Variants in IL1RAPL2 observed in about 807,000 individuals in gnomAD.
IL1RAPL2 encodes interleukin 1 receptor accessory protein like 2.
IL1RAPL2 carries 3 observed loss-of-function variants against 44.1 expected under a neutral mutation model. That is an observed-to-expected ratio of 0.07 (90% CI 0.03 to 0.18). The LOEUF (loss-of-function observed/expected upper bound fraction) is 0.18, where lower values mean the gene tolerates loss of function less well. Among genes scored for constraint, IL1RAPL2 ranks in the 10% least tolerant of loss-of-function variants. IL1RAPL2 has a pLI of 1.00. For missense variants in IL1RAPL2, 391 were observed against 496.4 expected, an observed-to-expected ratio of 0.79 and a Z score of 2.02; for synonymous variants, 181 against 178.8, an observed-to-expected ratio of 1.01 and a Z score of -0.10.
Position 104,910,013 on chromosome X carries a change from G to A in IL1RAPL2, c.82+251018G>A, listed in dbSNP as rs1418866009. ...TGCTAGCAATCAGCGAGACTCCGTG[G>A]TTGTAGGACCCTCCGAGCCAGGTGG... On this transcript the variant is annotated intron_variant, in intron 2 of 10. Transcript: ENST00000372582. Among the ~76,000 whole-genome samples, 6 of 112,643 alleles carry A rather than the reference G, an allele frequency of 5.3e-5. No homozygotes were observed. In the Admixed American group the frequency reaches 5.6e-4, roughly 11 times the overall value.
At chrX:104,995,117 C>G (rs1393522519) in intron 2 of IL1RAPL2, among the ~76,000 whole-genome samples, 2 of 111,658 alleles carry the variant, frequency 1.8e-5, no homozygotes, top group Non-Finnish European at 3.8e-5. Context: ...ACTCTGTCCT[C>G]TTACCATGCT....
intron 2 of IL1RAPL2, among the ~76,000 whole-genome samples, chrX:105,187,628 G>C (rs1466207574): frequency 2.7e-5 from 3 of 111,754 alleles, no homozygotes; most frequent in Non-Finnish European, 3.8e-5. Flanking sequence ...AATAAGCCAA[G>C]AACAGAAAGA....
At chrX:105,573,310 C>T (rs748376873) in intron 6 of IL1RAPL2, among the ~76,000 whole-genome samples, 3 of 111,535 alleles carry the variant, frequency 2.7e-5, no homozygotes, top group South Asian at 3.8e-4. Context: ...TCACCTGCTT[C>T]AGCCTCCCAA....
intron 5 of IL1RAPL2, among the ~76,000 whole-genome samples, chrX:105,430,605 T>A (rs1209780791): frequency 9.0e-6 from 1 of 111,550 alleles, no homozygotes; most frequent in African/African-American, 3.2e-5. Flanking sequence ...GACTAGTTTA[T>A]CATGTTATAC....
chrX:105,283,090 C>T (rs1041070686), intron 5 of IL1RAPL2, among the ~76,000 whole-genome samples: 1 of 110,927 alleles, frequency 9.0e-6, no homozygotes, highest in Non-Finnish European at 1.9e-5. Flanking sequence ...AAGTGGAAAC[C>T]GTTATTCACC....
At chrX:105,155,226 T>TA (rs1362664359) in intron 2 of IL1RAPL2, among the ~76,000 whole-genome samples, 2 of 111,486 alleles carry the variant, frequency 1.8e-5, no homozygotes, top group African/African-American at 6.5e-5. Context: ...AGAAGGAATA[T>TA]AACTATAATA....
intron 6 of IL1RAPL2, among the ~76,000 whole-genome samples, chrX:105,590,032 T>G (rs2037157024): frequency 8.9e-6 from 1 of 112,050 alleles, no homozygotes; most frequent in Non-Finnish European, 1.9e-5. Context: ...TCCATTTGTC[T>G]GTGTCATGTA....
intron 6 of IL1RAPL2, among the ~76,000 whole-genome samples, chrX:105,666,083 T>A (rs1185145634): frequency 2.9e-5 from 1 of 34,584 alleles, no homozygotes; most frequent in African/African-American, 4.4e-4. Context: ...TAAAAATGGG[T>A]TTTTTTTTTT....
intron 2 of IL1RAPL2, among the ~76,000 whole-genome samples, chrX:105,111,334 A>G (rs1175283289): frequency 8.9e-6 from 1 of 111,862 alleles, no homozygotes. Context: ...GTAAAATTGT[A>G]TTGGAGAAGT....
At chrX:105,481,543 C>A (rs1374293165) in intron 5 of IL1RAPL2, among the ~76,000 whole-genome samples, 1 of 112,347 alleles carries the variant, frequency 8.9e-6, no homozygotes, top group Non-Finnish European at 1.9e-5. Context: ...CAAACTCATC[C>A]TGCTGAAAGC....
At chrX:105,459,894 GA>G (rs773217907) in intron 5 of IL1RAPL2, among the ~76,000 whole-genome samples, 8 of 111,222 alleles carry the variant, frequency 7.2e-5, no homozygotes, top group African/African-American at 2.6e-4. Flanking sequence ...TTTCCACGGG[GA>G]AAAAATTAGT....
At chrX:105,114,164 T>G (rs769161588) in intron 2 of IL1RAPL2, among the ~76,000 whole-genome samples, 105 of 111,670 alleles carry the variant, frequency 9.4e-4, no homozygotes, top group Non-Finnish European at 1.2e-3. Flanking sequence ...GGATTGGTAC[T>G]CTGAAAACAG....
chrX:104,657,131 A>G (rs1367404103), intron 1 of IL1RAPL2, among the ~76,000 whole-genome samples: 1 of 111,051 alleles, frequency 9.0e-6, no homozygotes, highest in African/African-American at 3.3e-5. Context: ...TCTTTATCCA[A>G]TTTGCCAGTT....
intron 1 of IL1RAPL2, among the ~76,000 whole-genome samples, chrX:104,655,929 A>G (rs1478080294): frequency 9.0e-6 from 1 of 111,363 alleles, no homozygotes; most frequent in Non-Finnish European, 1.9e-5. Flanking sequence ...GAATTTATCC[A>G]TTTCTTCTAG....
At chrX:105,049,938 C>T (rs2031896457) in intron 2 of IL1RAPL2, among the ~76,000 whole-genome samples, 1 of 111,638 alleles carries the variant, frequency 9.0e-6, no homozygotes, top group Admixed American at 9.6e-5. Flanking sequence ...AACTAAATAT[C>T]TGTTAAATTC....
At chrX:105,655,622 C>T (rs2037672296) in intron 6 of IL1RAPL2, among the ~76,000 whole-genome samples, 1 of 112,034 alleles carries the variant, frequency 8.9e-6, no homozygotes, top group Admixed American at 9.5e-5. Flanking sequence ...TAGCCATAAA[C>T]CTGGATCTTT....
At chrX:104,609,538 T>A (rs1441961755) in intron 1 of IL1RAPL2, among the ~76,000 whole-genome samples, 2 of 112,481 alleles carry the variant, frequency 1.8e-5, no homozygotes, top group Non-Finnish European at 3.7e-5. Flanking sequence ...TTTGGATGCT[T>A]TGCTCATTGC....
chrX:105,437,025 G>GTATATATA lies in IL1RAPL2; in HGVS notation c.698-47271_698-47264dup, dbSNP rs71694806. ...CTAAACTCATTGTAAAAATATAAACGTATATATATATATATATATATATAC... is the reference window on the plus strand; with the variant it reads ...CTAAACTCATTGTAAAAATATAAACGTATATATATATATATATATATATATATATATAC... On this transcript the variant is annotated intron_variant, in intron 5 of 10. Transcript: ENST00000372582. 1.4e-3 allele frequency among the ~76,000 whole-genome samples: 130 copies of GTATATATA among 91,083 alleles called. 1 individual carries two copies. The highest frequency in any genetic ancestry group is 6.0e-3 in the East Asian group (17 of 2,826). The allele number at this position is 91,083 out of a possible 115,157, so 79.1% of individuals were successfully genotyped here.
At chrX:104,729,904 C>T (rs1036699367) in intron 2 of IL1RAPL2, among the ~76,000 whole-genome samples, 2 of 110,883 alleles carry the variant, frequency 1.8e-5, no homozygotes, top group Non-Finnish European at 3.8e-5. Flanking sequence ...TAACTGTATG[C>T]TCTTGACCAG....
Sources: allele counts gnomAD v4.1 joint callset (sites outside exome capture counted in the v4.1 genomes callset), GRCh38; gene constraint gnomAD v4.1.1; transcripts MANE v1.5; gene names NCBI Gene and HGNC (gene_info 2026-07-23, HGNC 2026-07-21).